NRXN3: variants seen among roughly 807,000 people sequenced by gnomAD.
The protein encoded by NRXN3 is neurexin 3, also known as neurexin III.
NRXN3 carries 32 observed loss-of-function variants against 137.6 expected under a neutral mutation model. The observed-to-expected ratio is 0.23, with a 90% CI of 0.18 to 0.31. The LOEUF is 0.31. Ranked by LOEUF, NRXN3 falls within the 10% of genes least tolerant of loss-of-function variation. The pLI is 1.00. For missense variants in NRXN3, 1,574 were observed against 2,062.5 expected, an observed-to-expected ratio of 0.76 and a Z score of 4.59; for synonymous variants, 798 against 784.5, an observed-to-expected ratio of 1.02 and a Z score of -0.29.
chr14:79,649,548 A>ATGTTTAT (rs137876699), intron 16 of NRXN3, among the ~76,000 whole-genome samples: 17,656 of 152,170 alleles, frequency 0.12, 1,113 homozygotes, highest in Middle Eastern at 0.23. Context: ...AAGCTGTAGC[A>ATGTTTAT]TGTTTATGAA....
rs541280037 is a variant in NRXN3, at chr14:79,699,737, G to C, written c.4014+1800G>C. 2.6e-5 allele frequency among the ~76,000 whole-genome samples: 4 copies of C among 152,118 alleles called. No individual in the cohort carries two copies. In the East Asian group the frequency reaches 7.8e-4, roughly 29 times the overall value. ...CATTTTAGAGGAGATGAACAACTGG[G>C]AATGCCTTCTCCAATAGCCTCTCTC... is the stretch of plus-strand genomic sequence containing the variant. On this transcript the variant is annotated intron_variant, in intron 19 of 20. Coordinates refer to ENST00000335750, the MANE Select transcript of NRXN3 (RefSeq NM_001330195.2).
At chr14:78,938,524 T>C (rs1426552853) in intron 10 of NRXN3, among the ~76,000 whole-genome samples, 1 of 152,148 alleles carries the variant, frequency 6.6e-6, no homozygotes, top group Non-Finnish European at 1.5e-5. Flanking sequence ...ACCAGGAAGG[T>C]TGGATAATCC....
In NRXN3 at chr14:79,745,503, A is replaced by C. The variant is rs563985058; in HGVS notation, c.4014+47566A>C. On this transcript the variant is annotated intron_variant, in intron 19 of 20. Coordinates refer to ENST00000335750, the MANE Select transcript of NRXN3 (RefSeq NM_001330195.2). ...TACTGAAATGCAATTGATTTTGGAG[A>C]GTTAAAAACAAATCCAAACCAGCAG... Among the ~76,000 whole-genome samples, 33 of 152,242 alleles carry C rather than the reference A, an allele frequency of 2.2e-4. No individual in the cohort carries two copies. In the South Asian group the frequency reaches 4.1e-3, roughly 19 times the overall value.
chr14:79,602,304 TA>T (rs2097934847), intron 16 of NRXN3, among the ~76,000 whole-genome samples: 1 of 152,214 alleles, frequency 6.6e-6, no homozygotes, highest in Non-Finnish European at 1.5e-5. Context: ...GTGCAGGCTA[TA>T]AAGCTGTTTT....
In NRXN3 at chr14:79,091,805, A is replaced by G. The variant is rs114243381; in HGVS notation, c.3262+103664A>G. 6.1e-3 allele frequency among the ~76,000 whole-genome samples: 934 copies of G among 152,254 alleles called. 9 individuals carry two copies. Among genetic ancestry groups the G allele is most frequent in the African/African-American group, 0.021 (886 of 41,564 alleles). ...TGGCACCATTTACCAAGTAGGAACA[A>G]AAGTGAATGATTAGGGAGAACTGTT... is the stretch of plus-strand genomic sequence containing the variant. On this transcript the variant is annotated intron_variant, in intron 15 of 20. Transcript: ENST00000335750.
At chr14:78,443,474 G>A (rs1328960242) in intron 4 of NRXN3, among the ~76,000 whole-genome samples, 2 of 152,160 alleles carry the variant, frequency 1.3e-5, no homozygotes, top group Non-Finnish European at 2.9e-5. Context: ...CAGGCCAGGA[G>A]GGTCCAGGGG....
chr14:79,442,661 G>A (rs773509316), intron 15 of NRXN3, among the ~76,000 whole-genome samples: 1 of 152,170 alleles, frequency 6.6e-6, no homozygotes, highest in Non-Finnish European at 1.5e-5. Context: ...TTCTTAAAAA[G>A]CAGGCGTCTG....
chr14:78,366,005 G>A (rs1296852719), intron 4 of NRXN3, among the ~76,000 whole-genome samples: 1 of 152,096 alleles, frequency 6.6e-6, no homozygotes, highest in African/African-American at 2.4e-5. Flanking sequence ...TTTATATACT[G>A]GTTTTGATAG....
In NRXN3 at chr14:78,725,478, G is replaced by C. The variant is rs376178414; in HGVS notation, c.2044+10339G>C. ...GCAGGATCTCATCTCCAGCCAGTTA[G>C]TTGTCTCTGATCTCTTTGTCCCATG... On this transcript the variant is annotated intron_variant, in intron 8 of 20. Transcript: ENST00000335750. Among the ~76,000 whole-genome samples the C allele has an allele frequency of 7.2e-5, 11 of 152,348 alleles. 1 individual carries two copies. The South Asian group carries it at 2.3e-3, about 32-fold the overall frequency.
At chr14:78,557,007 C>G (rs1230058219) in intron 4 of NRXN3, among the ~76,000 whole-genome samples, 1 of 119,606 alleles carries the variant, frequency 8.4e-6, no homozygotes, top group Non-Finnish European at 1.8e-5. Context: ...TCTCTCTTCT[C>G]TTCCCTCTCT....
chr14:79,154,066 C>G (rs1189271729), intron 15 of NRXN3, among the ~76,000 whole-genome samples: 1 of 151,976 alleles, frequency 6.6e-6, no homozygotes, highest in South Asian at 2.1e-4. Flanking sequence ...TTTTCTAGCA[C>G]TTACTACTCT....
intron 15 of NRXN3, among the ~76,000 whole-genome samples, chr14:79,413,961 G>A (rs1253624113): frequency 8.6e-5 from 13 of 150,616 alleles, no homozygotes; most frequent in Admixed American, 8.0e-4. Context: ...TACAGGCAGT[G>A]CATGGCCTGC....
intron 4 of NRXN3, among the ~76,000 whole-genome samples, chr14:78,298,083 A>G (rs967983321): frequency 2.0e-5 from 3 of 152,052 alleles, no homozygotes; most frequent in Non-Finnish European, 4.4e-5. Flanking sequence ...TCCATTCTCC[A>G]CCACCATTTG....
chr14:78,266,359 T>C (rs1462415302), intron 2 of NRXN3, among the ~76,000 whole-genome samples: 2 of 152,080 alleles, frequency 1.3e-5, no homozygotes, highest in Non-Finnish European at 2.9e-5. Context: ...AGTGCAGTGG[T>C]GTGATCTCAC....
At chr14:79,438,682 C>T (rs1024313292) in intron 15 of NRXN3, among the ~76,000 whole-genome samples, 1 of 152,130 alleles carries the variant, frequency 6.6e-6, no homozygotes, top group African/African-American at 2.4e-5. Context: ...CTATTTTAAA[C>T]AAATATGTGT....
intron 15 of NRXN3, among the ~76,000 whole-genome samples, chr14:79,395,384 G>C (rs1046253748): frequency 6.6e-6 from 1 of 152,106 alleles, no homozygotes; most frequent in Non-Finnish European, 1.5e-5. Flanking sequence ...ATATTATCTT[G>C]AATTTTCTTC....
chr14:78,756,605 TA>T (rs1349387020), intron 8 of NRXN3, among the ~76,000 whole-genome samples: 1 of 151,894 alleles, frequency 6.6e-6, no homozygotes, highest in Admixed American at 6.6e-5. Flanking sequence ...ACTTGCTTTT[TA>T]AAATCACATA....
chr14:78,790,804 A>T (rs1459889004), intron 8 of NRXN3, among the ~76,000 whole-genome samples: 1 of 152,172 alleles, frequency 6.6e-6, no homozygotes, highest in Non-Finnish European at 1.5e-5. Context: ...GGCTGGTGGG[A>T]GTATAGTGCT....
At position 79,800,628 on chromosome 14, in the gene NRXN3, A is replaced by C. The variant is rs565954500; in HGVS notation, c.4015-4484A>C. 3.9e-5 allele frequency among the ~76,000 whole-genome samples: 6 copies of C among 152,346 alleles called. No homozygotes were observed. In the South Asian group the frequency reaches 1.2e-3, roughly 32 times the overall value. On this transcript the variant is annotated intron_variant, in intron 19 of 20. Transcript: ENST00000335750. ...TTCTACTTATAGCAATTCTATTCTG[A>C]GTCTGAGTCTATCTGCAACATGAAA... is the stretch of plus-strand genomic sequence containing the variant.
Sources: gnomAD v4.1 joint callset for allele counts (sites outside exome capture counted in the v4.1 genomes callset) on GRCh38, gnomAD v4.1.1 for gene constraint, MANE v1.5 for transcripts, NCBI Gene and HGNC (gene_info 2026-07-23, HGNC 2026-07-21) for gene names.